Variants in NUS1 observed in about 807,000 individuals in gnomAD.
The protein encoded by NUS1 is dehydrodolichyl diphosphate synthase complex subunit NUS1.
For synonymous variants in NUS1, 135 were observed against 155.2 expected, an observed-to-expected ratio of 0.87 and a Z score of 0.97; for missense variants, 292 against 382.9, an observed-to-expected ratio of 0.76 and a Z score of 1.98.
intron 1 of NUS1, among the ~76,000 whole-genome samples, chr6:117,685,023 T>C (rs779412141): frequency 3.6e-4 from 55 of 152,340 alleles, no homozygotes; most frequent in Non-Finnish European, 7.6e-4. Context: ...TTCCAGTAGT[T>C]ATGGGGAAGG....
intron 1 of NUS1, among the ~76,000 whole-genome samples, chr6:117,690,850 G>A (rs1033843961): frequency 2.6e-4 from 39 of 151,670 alleles, no homozygotes; most frequent in African/African-American, 8.2e-4. Context: ...AAAATTAGCC[G>A]GGCATGGTGG....
intron 1 of NUS1, 120 bp downstream of exon 1, chr6:117,676,205 C>A: frequency 6.9e-7 from 1 of 1,456,802 alleles, no homozygotes; most frequent in Non-Finnish European, 9.2e-7. Context: ...ACAGCGCTAG[C>A]GCTTTCGAGG....
At position 117,697,681 on chromosome 6, in the gene NUS1, AAGAG is replaced by A. The variant is rs891517008; in HGVS notation, c.691+3513_691+3516del. On this transcript the variant is annotated intron_variant, in intron 3 of 4. Transcript: ENST00000368494. ...AAGCCAATATTAATAGAGCTAAAGA[AAGAG>A]AGAGAGAGAGACCCCAATACAATAA... is the stretch of plus-strand genomic sequence containing the variant. Among the ~76,000 whole-genome samples, 25 of 142,120 alleles carry A rather than the reference AAGAG, an allele frequency of 1.8e-4. No individual in the cohort carries two copies. The South Asian group carries it at 1.9e-3, about 11-fold the overall frequency. The allele number at this position is 142,120 out of a possible 152,430, so 93.2% of individuals were successfully genotyped here. A position where few individuals can be genotyped will look rare whatever the true frequency, so the allele number is the denominator to read the frequency against.
chr6:117,696,032 T>C (rs1332882889), intron 3 of NUS1, among the ~76,000 whole-genome samples: 1 of 152,080 alleles, frequency 6.6e-6, no homozygotes, highest in Non-Finnish European at 1.5e-5. Context: ...TGGATGTTTG[T>C]GTGTTTTCAA....
intron 1 of NUS1, among the ~76,000 whole-genome samples, chr6:117,688,949 C>T (rs1257362076): frequency 6.6e-6 from 1 of 151,978 alleles, no homozygotes; most frequent in Non-Finnish European, 1.5e-5. Context: ...GTTTTCAAGA[C>T]TGGTGAGTGA....
At chr6:117,688,504 C>G (rs530152419) in intron 1 of NUS1, among the ~76,000 whole-genome samples, 4 of 151,614 alleles carry the variant, frequency 2.6e-5, no homozygotes, top group Non-Finnish European at 5.9e-5. Context: ...TTTAAATCAC[C>G]TGCTGTCCTA....
chr6:117,691,443 C>G (rs2114685534), intron 1 of NUS1, among the ~76,000 whole-genome samples: 1 of 151,410 alleles, frequency 6.6e-6, no homozygotes, highest in Admixed American at 6.6e-5. Flanking sequence ...CAGCTCAAAT[C>G]TTATTTTATA....
intron 3 of NUS1, among the ~76,000 whole-genome samples, chr6:117,695,342 C>G (rs1773304639): frequency 1.3e-5 from 2 of 151,814 alleles, no homozygotes. Context: ...GTTTCGCTAA[C>G]TTCCTACTTT....
At chr6:117,703,255 C>T (rs1305112975) in intron 3 of NUS1, among the ~76,000 whole-genome samples, 1 of 152,128 alleles carries the variant, frequency 6.6e-6, no homozygotes, top group African/African-American at 2.4e-5. Context: ...AGTAACTTTC[C>T]CAGGATTCCA....
intron 3 of NUS1, among the ~76,000 whole-genome samples, chr6:117,699,867 A>ACCC: frequency 1.3e-5 from 2 of 152,302 alleles, no homozygotes; most frequent in South Asian, 4.1e-4. Context: ...TCTCCAGTGA[A>ACCC]CTCATTTTTT....
At chr6:117,701,649 G>T (rs1331954440) in intron 3 of NUS1, among the ~76,000 whole-genome samples, 4 of 151,992 alleles carry the variant, frequency 2.6e-5, no homozygotes, top group African/African-American at 9.7e-5. Context: ...GTTGTTAATG[G>T]AATTATGTTC....
chr6:117,681,561 TGATTTTCTTAA>T (rs1773062269), intron 1 of NUS1, among the ~76,000 whole-genome samples: 2 of 152,216 alleles, frequency 1.3e-5, no homozygotes, highest in Non-Finnish European at 2.9e-5. Flanking sequence ...TTGAGAAGTA[TGATTTTCTTAA>T]GTTTATTCTC....
chr6:117,699,683 C>T (rs1375633776), intron 3 of NUS1, among the ~76,000 whole-genome samples: 1 of 152,106 alleles, frequency 6.6e-6, no homozygotes, highest in African/African-American at 2.4e-5. Context: ...CAAAAAGACC[C>T]AGAATAGCCA....
chr6:117,682,328 G>T (rs540323748), intron 1 of NUS1, among the ~76,000 whole-genome samples: 1 of 152,112 alleles, frequency 6.6e-6, no homozygotes, highest in Non-Finnish European at 1.5e-5. Flanking sequence ...TGCTGAGTGT[G>T]GTGGCTCATG....
intron 3 of NUS1, among the ~76,000 whole-genome samples, chr6:117,694,601 T>A (rs1263554824): frequency 2.0e-5 from 3 of 152,158 alleles, no homozygotes; most frequent in African/African-American, 7.2e-5. Context: ...CCTTTTTAAT[T>A]ATTCTTTCTA....
intron 3 of NUS1, among the ~76,000 whole-genome samples, chr6:117,696,334 C>G (rs1773320418): frequency 6.6e-6 from 1 of 151,912 alleles, no homozygotes; most frequent in East Asian, 1.9e-4. Context: ...AGAGAGAGAA[C>G]GAGATGGGTT....
intron 3 of NUS1, among the ~76,000 whole-genome samples, chr6:117,702,213 A>G (rs1230995003): frequency 6.6e-6 from 1 of 152,018 alleles, no homozygotes; most frequent in East Asian, 1.9e-4. Flanking sequence ...GGGTTTTCCT[A>G]TTTGTTCTCT....
At chr6:117,687,568 G>C (rs1015563264) in intron 1 of NUS1, among the ~76,000 whole-genome samples, 3 of 152,286 alleles carry the variant, frequency 2.0e-5, no homozygotes, top group African/African-American at 7.2e-5. Context: ...TGACATTTCA[G>C]CTGGCCTGTG....
intron 1 of NUS1, among the ~76,000 whole-genome samples, chr6:117,684,775 G>A (rs1562176270): frequency 6.6e-6 from 1 of 152,006 alleles, no homozygotes; most frequent in Non-Finnish European, 1.5e-5. Context: ...AATCACCTGG[G>A]GAAGTATTGA....
Sources: gnomAD v4.1 joint callset for allele counts (sites outside exome capture counted in the v4.1 genomes callset) on GRCh38, gnomAD v4.1.1 for gene constraint, MANE v1.5 for transcripts, NCBI Gene and HGNC (gene_info 2026-07-23, HGNC 2026-07-21) for gene names.